Variants in DOCK3 observed in about 807,000 individuals in gnomAD.
DOCK3 encodes the protein dedicator of cytokinesis 3.
DOCK3 carries 60 observed loss-of-function variants against 265.6 expected under a neutral mutation model. The observed-to-expected ratio is 0.23, with a 90% CI of 0.18 to 0.28. The LOEUF (loss-of-function observed/expected upper bound fraction) is 0.28, where lower values mean the gene tolerates loss of function less well. Among genes scored for constraint, DOCK3 ranks in the 10% least tolerant of loss-of-function variants. The probability of loss-of-function intolerance (pLI) is 1.00; values close to 1 mark genes in which losing one functional copy is unlikely to be tolerated. For synonymous variants in DOCK3, 881 were observed against 938.0 expected (o/e 0.94, Z 1.11); for missense variants, 1,981 against 2,594.3 (o/e 0.76, Z 5.14).
At chr3:50,874,066 G>GTTTTTTTTTTTTTTTTTTTT (rs3043436) in intron 3 of DOCK3, among the ~76,000 whole-genome samples, 1 of 106,230 alleles carries the variant, frequency 9.4e-6, no homozygotes, top group African/African-American at 3.2e-5. Context: ...CTTTTCTTTT[G>GTTTTTTTTTTTTTTTTTTTT]TTTTTTTTTT....
chr3:51,109,433 A>G (rs996282011), intron 9 of DOCK3, among the ~76,000 whole-genome samples: 1 of 152,124 alleles, frequency 6.6e-6, no homozygotes, highest in African/African-American at 2.4e-5. Flanking sequence ...AAAGATCTCT[A>G]ACAACCTAAC....
chr3:51,277,783 C>T, intron 26 of DOCK3, 29 bp downstream of exon 26: 1 of 1,598,108 alleles, frequency 6.3e-7, no homozygotes, highest in Non-Finnish European at 8.5e-7. Context: ...GGTTTTCTTG[C>T]CTTCTTTTCT....
chr3:51,121,251 C>T (rs1392664742), intron 9 of DOCK3, among the ~76,000 whole-genome samples: 1 of 152,144 alleles, frequency 6.6e-6, no homozygotes, highest in African/African-American at 2.4e-5. Context: ...GAAGGGAGTT[C>T]CCCAACCCCT....
In DOCK3 at chr3:51,374,444, C is replaced by T; in HGVS notation, c.5294-25C>T. The T allele has an allele frequency of 1.3e-6, 2 of 1,599,378 alleles. No individual in the cohort carries two copies. Among genetic ancestry groups the T allele is most frequent in the Non-Finnish European group, 1.7e-6 (2 of 1,172,332 alleles). On this transcript the variant is annotated intron_variant, in intron 49 of 52. Transcript: ENST00000266037. This position sits in a 1 kb window ranked among gnomAD's most constrained non-coding sequence, Gnocchi z 4.8. ...CTCCATCTGTGGCTTGTCATCTGTG[C>T]TTGATTGTTCTCACTTGGTTACAGG...
intron 12 of DOCK3, among the ~76,000 whole-genome samples, chr3:51,192,334 T>A (rs1052440170): frequency 6.6e-6 from 1 of 151,546 alleles, no homozygotes. Context: ...CGGAACTCTC[T>A]CTAATTCATC....
intron 9 of DOCK3, among the ~76,000 whole-genome samples, chr3:51,129,716 C>A (rs955815995): frequency 6.6e-6 from 1 of 152,146 alleles, no homozygotes; most frequent in Non-Finnish European, 1.5e-5. Flanking sequence ...ATGGCAGTGC[C>A]GTGCTCCAGA....
chr3:51,072,985 G>A (rs1345381292), intron 6 of DOCK3, among the ~76,000 whole-genome samples: 1 of 151,668 alleles, frequency 6.6e-6, no homozygotes, highest in African/African-American at 2.4e-5. Flanking sequence ...TGGGATTATA[G>A]GCATGAGCTA....
rs999423722 is a variant in DOCK3, at chr3:51,227,400, C to T, written c.1495C>T (p.Arg499Trp). Residue 499 changes from arginine to tryptophan, a missense_variant, in exon 16 of 53, where the codon CGG becomes TGG. By Grantham distance (101) the Arg-to-Trp change is moderately radical (BLOSUM62 -3). This residue lies in a region of DOCK3 where 1,357 missense variants were observed against 1,866.8 expected (regional missense o/e 0.73). Coordinates refer to ENST00000266037, the MANE Select transcript of DOCK3 (RefSeq NM_004947.5). ...EIIKLPIPID[R>W]FRGSHLRFEF... The stretch of plus-strand genomic sequence containing the variant: ...TATCAAATTGCCTATCCCCATTGAC[C>T]GGTTCCGGGGCTCCCACCTGCGCTT... 8 of 1,613,848 alleles carry T rather than the reference C, an allele frequency of 5.0e-6. No individual in the cohort carries two copies. Among genetic ancestry groups the T allele is most frequent in the East Asian group, 2.2e-5 (1 of 44,882 alleles).
intron 5 of DOCK3, among the ~76,000 whole-genome samples, chr3:50,963,717 G>A (rs2076951209): frequency 6.6e-6 from 1 of 152,160 alleles, no homozygotes; most frequent in Non-Finnish European, 1.5e-5. Context: ...AATAAATAAG[G>A]TGAGCTGTAA....
chr3:51,198,014 C>A (rs1482742050), intron 12 of DOCK3, among the ~76,000 whole-genome samples: 1 of 152,212 alleles, frequency 6.6e-6, no homozygotes, highest in Non-Finnish European at 1.5e-5. Context: ...GCCTTACTTG[C>A]TTCTTAGCTC....
intron 5 of DOCK3, among the ~76,000 whole-genome samples, chr3:51,040,689 G>C (rs946344800): frequency 2.0e-5 from 3 of 152,238 alleles, no homozygotes; most frequent in African/African-American, 7.2e-5. Flanking sequence ...TTGGAGTCAG[G>C]CTTCTCCAAC....
chr3:50,968,976 A>G (rs2077115118), intron 5 of DOCK3, among the ~76,000 whole-genome samples: 1 of 152,158 alleles, frequency 6.6e-6, no homozygotes, highest in Admixed American at 6.5e-5. Context: ...AGAGTGTTCT[A>G]TGCATGTCTG....
chr3:51,275,199 G>A lies in DOCK3; in HGVS notation c.2669G>A (p.Ser890Asn), dbSNP rs201707052. ...AGCATCTTCTCCATCGTCAAGACCA[G>A]CTCTCTGGTAGTGGCCCCACACCCA... ...LGSIFSIVKT[S>N]SLEADVMEEV... Residue 890 changes from serine (S) to asparagine (N), a missense_variant, in exon 25 of 53, where the codon AGC becomes AAC. Transcript: ENST00000266037. 3.7e-6 allele frequency: 6 copies of A among 1,613,744 alleles called. No individual in the cohort carries two copies. The highest frequency in any genetic ancestry group is 1.1e-5 in the South Asian group (1 of 91,078).
chr3:50,927,153 T>C (rs950851424), intron 4 of DOCK3, among the ~76,000 whole-genome samples: 1 of 152,170 alleles, frequency 6.6e-6, no homozygotes, highest in African/African-American at 2.4e-5. Flanking sequence ...TGGGATTAGC[T>C]TTGTCACTTC....
At position 51,324,783 on chromosome 3, in the gene DOCK3, C is replaced by T. The variant is rs995145245; in HGVS notation, c.3403-5355C>T. On this transcript the variant is annotated intron_variant, in intron 32 of 52. Coordinates refer to ENST00000266037, the MANE Select transcript of DOCK3 (RefSeq NM_004947.5). Reference sequence around the variant, plus strand: ...CAACATGCATCTACAACCATCTGATCTTTGACAAACCTGACAAAAACAAGC... The same window carrying T: ...CAACATGCATCTACAACCATCTGATTTTTGACAAACCTGACAAAAACAAGC... 7.9e-5 allele frequency among the ~76,000 whole-genome samples: 12 copies of T among 152,176 alleles called. No homozygotes were observed. In the East Asian group the frequency reaches 2.3e-3, roughly 29 times the overall value.
Position 50,829,578 on chromosome 3 carries a change from A to G in DOCK3, c.122-12097A>G, listed in dbSNP as rs185222034. Among the ~76,000 whole-genome samples the G allele has an allele frequency of 1.4e-4, 21 of 151,794 alleles. No homozygotes were observed. The East Asian group carries it at 3.3e-3, about 24-fold the overall frequency. ...TCATTTTCTGCTGGTATGCCCTCAG[A>G]AAAAAAAAGTCAGGTGAATGAGGAG... On this transcript the variant is annotated intron_variant, in intron 2 of 52. Transcript: ENST00000266037.
At chr3:50,981,663 C>T (rs2077693456) in intron 5 of DOCK3, among the ~76,000 whole-genome samples, 1 of 152,156 alleles carries the variant, frequency 6.6e-6, no homozygotes, top group Non-Finnish European at 1.5e-5. Context: ...ATTATATCCT[C>T]CTGCTGAACT....
At chr3:50,782,965 ATT>A (rs34337890) in intron 2 of DOCK3, among the ~76,000 whole-genome samples, 513 of 133,134 alleles carry the variant, frequency 3.9e-3, no homozygotes, top group Middle Eastern at 7.5e-3. Flanking sequence ...GAATGCCATG[ATT>A]TTTTTTTTTT....
intron 2 of DOCK3, among the ~76,000 whole-genome samples, chr3:50,806,835 A>G (rs1374324020): frequency 1.3e-5 from 2 of 152,006 alleles, no homozygotes; most frequent in Non-Finnish European, 2.9e-5. Flanking sequence ...CTTGGCTCAC[A>G]AGGGGTGGGT....
Sources: allele counts gnomAD v4.1 joint callset (sites outside exome capture counted in the v4.1 genomes callset), GRCh38; gene constraint gnomAD v4.1.1; regional missense constraint gnomAD v4.1.1; non-coding constraint Gnocchi (gnomAD v3.1); transcripts MANE v1.5; gene names NCBI Gene and HGNC (gene_info 2026-07-23, HGNC 2026-07-21).